Variants in CTTNBP2 observed in about 807,000 individuals in gnomAD.
The protein encoded by CTTNBP2 is cortactin binding protein 2, also known as cortactin-binding protein 2.
CTTNBP2 carries 108 observed loss-of-function variants against 156.9 expected under a neutral mutation model. The ratio of observed to expected loss-of-function variants is 0.69; its 90% CI spans 0.59 to 0.81. CTTNBP2 has a LOEUF of 0.81. CTTNBP2 is among the 30% of genes least tolerant of loss of function. The pLI, the probability that CTTNBP2 is intolerant of heterozygous loss-of-function variation, is 0.00. For missense variants in CTTNBP2, 1,924 were observed against 2,035.4 expected (o/e 0.95, Z 1.05); for synonymous variants, 767 against 751.8 (o/e 1.02, Z -0.33).
At chr7:117,728,907 G>C (rs1795251707) in intron 16 of CTTNBP2, among the ~76,000 whole-genome samples, 1 of 152,138 alleles carries the variant, frequency 6.6e-6, no homozygotes, top group Non-Finnish European at 1.5e-5. Flanking sequence ...TCTTCCTCAG[G>C]CTTAACATTT....
Position 117,797,048 on chromosome 7 carries a change from C to A in CTTNBP2, c.415-4267G>T, listed in dbSNP as rs1000535058. ...GCCAATAGCATTGGATGAGATTTGCCTTCATGTAGCTGCTCAGCTGGAGGC... is the reference window on the plus strand; with the variant it reads ...GCCAATAGCATTGGATGAGATTTGCATTCATGTAGCTGCTCAGCTGGAGGC... On this transcript the variant is annotated intron_variant, in intron 3 of 22. Transcript: ENST00000160373. Among the ~76,000 whole-genome samples the A allele has an allele frequency of 3.8e-4, 58 of 152,200 alleles. 1 individual carries two copies. Among genetic ancestry groups the A allele is most frequent in the Non-Finnish European group, 7.3e-5 (5 of 68,036 alleles).
At chr7:117,818,646 G>A (rs1337886410) in intron 2 of CTTNBP2, among the ~76,000 whole-genome samples, 6 of 152,132 alleles carry the variant, frequency 3.9e-5, no homozygotes, top group Non-Finnish European at 8.8e-5. Flanking sequence ...TGGACTTCTG[G>A]ACTCACTTTT....
chr7:117,826,450 A>T (rs1801286664), intron 2 of CTTNBP2, among the ~76,000 whole-genome samples: 1 of 152,168 alleles, frequency 6.6e-6, no homozygotes, highest in Admixed American at 6.5e-5. Flanking sequence ...AAAAAAAGAT[A>T]TACCATTAAC....
chr7:117,772,557 G>T (rs912134414), intron 8 of CTTNBP2, among the ~76,000 whole-genome samples: 1 of 152,126 alleles, frequency 6.6e-6, no homozygotes, highest in Admixed American at 6.5e-5. Flanking sequence ...GTTTAAACTG[G>T]AACACATTAG....
intron 2 of CTTNBP2, among the ~76,000 whole-genome samples, chr7:117,846,141 G>A (rs530256280): frequency 2.8e-4 from 42 of 151,954 alleles, no homozygotes; most frequent in Non-Finnish European, 5.9e-4. Flanking sequence ...GTGAGCCACC[G>A]CGCCCGGTCC....
At chr7:117,872,899 G>A (rs549860090) in intron 1 of CTTNBP2, among the ~76,000 whole-genome samples, 1 of 152,098 alleles carries the variant, frequency 6.6e-6, no homozygotes, top group African/African-American at 2.4e-5. Context: ...CGGGTCCGCT[G>A]AGCGGTACCA....
Position 117,791,386 on chromosome 7 carries a change from G to A in CTTNBP2, c.1810C>T (p.Pro604Ser), listed in dbSNP as rs765956910. 2.5e-5 allele frequency: 40 copies of A among 1,614,060 alleles called. No homozygotes were observed. In the South Asian group the frequency reaches 3.8e-4, roughly 16 times the overall value. The change falls in exon 4 of 23, where the codon CCT becomes TCT. Residue 604 changes from proline to serine, a missense_variant. Pro to Ser is a moderately conservative substitution (Grantham distance 74). Coordinates refer to ENST00000160373, the MANE Select transcript of CTTNBP2 (RefSeq NM_033427.3). ...GGCAGCTGAGGGGAGGATGACTTAG[G>A]AAGGTTCTCCTCATTGATCACCCTG... ...GNRVINEENL[P>S]KSSSPQLPPK...
At chr7:117,762,425 A>G (rs538407610) in intron 9 of CTTNBP2, among the ~76,000 whole-genome samples, 1 of 152,292 alleles carries the variant, frequency 6.6e-6, no homozygotes, top group Admixed American at 6.5e-5. Flanking sequence ...AACACCTTGA[A>G]TTATCAGACT....
chr7:117,845,296 G>A (rs1247388650), intron 2 of CTTNBP2, among the ~76,000 whole-genome samples: 1 of 152,154 alleles, frequency 6.6e-6, no homozygotes. Context: ...AAATCTCAAA[G>A]TTGAAGAATA....
chr7:117,763,314 T>A (rs1481871448), intron 9 of CTTNBP2, among the ~76,000 whole-genome samples: 4 of 152,148 alleles, frequency 2.6e-5, no homozygotes, highest in Non-Finnish European at 5.9e-5. Flanking sequence ...TGAAGAAAAC[T>A]ATTCTACCAG....
At chr7:117,755,863 G>A (rs1224057996) in intron 12 of CTTNBP2, among the ~76,000 whole-genome samples, 1 of 152,238 alleles carries the variant, frequency 6.6e-6, no homozygotes, top group South Asian at 2.1e-4. Flanking sequence ...TGAATGGGAT[G>A]TGGGCAGGAA....
chr7:117,734,894 T>C lies in CTTNBP2; in HGVS notation c.3876+19A>G. The C allele has an allele frequency of 6.4e-7, 1 of 1,563,450 alleles. No individual in the cohort carries two copies. The highest frequency in any genetic ancestry group is 1.4e-5 in the African/African-American group (1 of 73,588). ...AACCCCTGCTCTCCTGGCAACAGGCTGCACTTGCTGTTTGTTACCTTATTC... is the reference window on the plus strand; with the variant it reads ...AACCCCTGCTCTCCTGGCAACAGGCCGCACTTGCTGTTTGTTACCTTATTC... On this transcript the variant is annotated intron_variant, in intron 16 of 22. Transcript: ENST00000160373.
At chr7:117,812,709 G>T (rs1414164744) in intron 2 of CTTNBP2, among the ~76,000 whole-genome samples, 1 of 152,124 alleles carries the variant, frequency 6.6e-6, no homozygotes, top group East Asian at 1.9e-4. Context: ...CTTGAGAGAT[G>T]CAATTTCAAA....
At chr7:117,848,561 G>C (rs1477115) in intron 2 of CTTNBP2, among the ~76,000 whole-genome samples, 2,688 of 152,272 alleles carry the variant, frequency 0.018, 51 homozygotes, top group Admixed American at 0.059. Context: ...TCTCTTCCCT[G>C]AGGAAGTAAT....
At chr7:117,823,951 C>CTT (rs34011318) in intron 2 of CTTNBP2, among the ~76,000 whole-genome samples, 201 of 143,428 alleles carry the variant, frequency 1.4e-3, no homozygotes, top group South Asian at 3.2e-3. Context: ...TCTTTCAGGT[C>CTT]TTTTTTTTTT....
At chr7:117,733,675 A>T (rs1425291046) in intron 16 of CTTNBP2, among the ~76,000 whole-genome samples, 1 of 152,178 alleles carries the variant, frequency 6.6e-6, no homozygotes, top group Non-Finnish European at 1.5e-5. Context: ...CATGGGGTAG[A>T]TTTCCCTCAT....
Position 117,792,816 on chromosome 7 carries a change from T to A in CTTNBP2, c.415-35A>T. The stretch of plus-strand genomic sequence containing the variant: ...ATTCACAGGAAAACCCTGATTAATA[T>A]ACAGAATTTTCTTTTCACCAAGGAA... On this transcript the variant is annotated intron_variant, in intron 3 of 22. Coordinates refer to ENST00000160373, the MANE Select transcript of CTTNBP2 (RefSeq NM_033427.3). This position sits in a 1 kb window ranked among gnomAD's most constrained non-coding sequence, Gnocchi z 4.2. The A allele has an allele frequency of 7.2e-7, 1 of 1,388,976 alleles. No homozygotes were observed. The allele number at this position is 1,388,976 out of a possible 1,614,324, so 86.0% of individuals were successfully genotyped here.
At chr7:117,775,562 G>A (rs1037195194) in intron 8 of CTTNBP2, among the ~76,000 whole-genome samples, 2 of 148,170 alleles carry the variant, frequency 1.3e-5, no homozygotes, top group Non-Finnish European at 3.0e-5. Flanking sequence ...CCTAGATCAA[G>A]GGTGTTCAGG....
At chr7:117,862,455 C>T (rs981619295) in intron 1 of CTTNBP2, among the ~76,000 whole-genome samples, 10 of 152,150 alleles carry the variant, frequency 6.6e-5, no homozygotes, top group African/African-American at 1.9e-4. Context: ...CATTGACTCT[C>T]GATTCTTTTG....
Sources: gnomAD v4.1 joint callset for allele counts (sites outside exome capture counted in the v4.1 genomes callset) on GRCh38, gnomAD v4.1.1 for gene constraint, Gnocchi (gnomAD v3.1) non-coding constraint, MANE v1.5 for transcripts, NCBI Gene and HGNC (gene_info 2026-07-23, HGNC 2026-07-21) for gene names.